The following DNAH6 variants were observed in gnomAD, a reference collection of about 807,000 sequenced individuals.
The protein encoded by DNAH6 is axonemal beta dynein heavy chain 6.
DNAH6 carries 340 observed loss-of-function variants against 491.4 expected under a neutral mutation model. The ratio of observed to expected loss-of-function variants is 0.69; its 90% CI spans 0.63 to 0.76. The LOEUF (loss-of-function observed/expected upper bound fraction) is 0.76, where lower values mean the gene tolerates loss of function less well. DNAH6 is among the 30% of genes least tolerant of loss of function. DNAH6 has a pLI of 0.00. For synonymous variants in DNAH6, 1,603 were observed against 1,686.1 expected (o/e 0.95, Z 1.21); for missense variants, 4,443 against 4,972.2 (o/e 0.89, Z 3.20).
At chr2:84,757,906 G>A (rs1451661369) in intron 63 of DNAH6, among the ~76,000 whole-genome samples, 7 of 152,112 alleles carry the variant, frequency 4.6e-5, no homozygotes, top group Non-Finnish European at 8.8e-5. Context: ...CCTCTTCATG[G>A]CTTTAACTGA....
intron 60 of DNAH6, among the ~76,000 whole-genome samples, chr2:84,725,963 A>G (rs1216010795): frequency 6.6e-6 from 1 of 152,234 alleles, no homozygotes; most frequent in Non-Finnish European, 1.5e-5. Context: ...AACTTTCAGG[A>G]GAATCAACAA....
chr2:84,553,074 T>C (rs887334628), intron 10 of DNAH6, 40 bp downstream of exon 10: 4 of 1,243,074 alleles, frequency 3.2e-6, no homozygotes, highest in Non-Finnish European at 4.6e-6. Context: ...CAAGCACCTA[T>C]TTGGAAAATG....
At chr2:84,610,407 G>T (rs1011193253) in intron 21 of DNAH6, among the ~76,000 whole-genome samples, 1 of 152,100 alleles carries the variant, frequency 6.6e-6, no homozygotes, top group African/African-American at 2.4e-5. Context: ...AAGGGGAGAG[G>T]ATTACACAGG....
chr2:84,739,384 T>C (rs1366802794), intron 62 of DNAH6, among the ~76,000 whole-genome samples: 2 of 152,228 alleles, frequency 1.3e-5, no homozygotes, highest in East Asian at 3.8e-4. Context: ...TGTATTTGCA[T>C]GTCGACCTCT....
chr2:84,810,890 A>G (rs952819241), intron 72 of DNAH6, among the ~76,000 whole-genome samples: 3 of 152,212 alleles, frequency 2.0e-5, no homozygotes, highest in Non-Finnish European at 4.4e-5. Context: ...CGACTGCAAC[A>G]TGACCTCTTT....
intron 69 of DNAH6, among the ~76,000 whole-genome samples, chr2:84,796,673 AATGTT>A (rs751102152): frequency 2.0e-5 from 3 of 152,190 alleles, no homozygotes; most frequent in Non-Finnish European, 4.4e-5. Context: ...ATCTGTTTTC[AATGTT>A]ATGTTCTAGT....
chr2:84,699,753 T>C lies in DNAH6; in HGVS notation c.7818+19T>C. The C allele has an allele frequency of 6.5e-7, 1 of 1,548,064 alleles. No homozygotes were observed. The highest frequency in any genetic ancestry group is 8.7e-7 in the Non-Finnish European group (1 of 1,145,124). ...TGTGCAGGTTGGTGACATCCCAGGA[T>C]ATCTCTTTGAGAAGTTGGACTTGCT... is the stretch of plus-strand genomic sequence containing the variant. On this transcript the variant is annotated intron_variant, in intron 48 of 76. Transcript: ENST00000389394.
chr2:84,552,508 G>C (rs1679493904), intron 9 of DNAH6, among the ~76,000 whole-genome samples: 2 of 152,044 alleles, frequency 1.3e-5, no homozygotes, highest in Admixed American at 1.3e-4. Context: ...TATGCCCTTT[G>C]CCCATTTTTT....
chr2:84,563,727 G>C (rs1242086500), intron 11 of DNAH6, among the ~76,000 whole-genome samples: 1 of 152,072 alleles, frequency 6.6e-6, no homozygotes, highest in Non-Finnish European at 1.5e-5. Context: ...TTTTGTTTTT[G>C]TTCCAATTGT....
intron 57 of DNAH6, among the ~76,000 whole-genome samples, chr2:84,714,644 TG>T: frequency 6.6e-6 from 1 of 152,074 alleles, no homozygotes; most frequent in Admixed American, 6.5e-5. Flanking sequence ...GATAAATGCT[TG>T]AGGTGATGGA....
chr2:84,467,467 C>T, the DNAH6 span, among the ~76,000 whole-genome samples: 1 of 152,150 alleles, frequency 6.6e-6, no homozygotes, highest in Non-Finnish European at 1.5e-5. Flanking sequence ...AGACAACAGG[C>T]AGAAGTGCAG....
At chr2:84,722,992 C>T (rs1046721063) in intron 60 of DNAH6, among the ~76,000 whole-genome samples, 188 bp downstream of exon 60, 3 of 152,156 alleles carry the variant, frequency 2.0e-5, no homozygotes, top group Non-Finnish European at 4.4e-5. Flanking sequence ...CTTTGGGAGG[C>T]CGAGGTGGGT....
chr2:84,578,551 G>A (rs1210408986), intron 13 of DNAH6, among the ~76,000 whole-genome samples: 2 of 152,172 alleles, frequency 1.3e-5, no homozygotes, highest in African/African-American at 2.4e-5. Context: ...GCCTCCTTAT[G>A]TGCAGGCTTC....
chr2:84,632,720 C>T (rs948312770), intron 29 of DNAH6, among the ~76,000 whole-genome samples: 2 of 147,426 alleles, frequency 1.4e-5, no homozygotes, highest in Admixed American at 1.3e-4. Context: ...CTTCTCTTAC[C>T]TTGTCTATAT....
chr2:84,608,624 G>A (rs1005050307), intron 21 of DNAH6, among the ~76,000 whole-genome samples: 1 of 152,132 alleles, frequency 6.6e-6, no homozygotes, highest in Admixed American at 6.6e-5. Context: ...AGTAAATCAT[G>A]CTGTAAACAG....
In DNAH6 at chr2:84,785,701, GA is replaced by G. The variant is rs1386128742; in HGVS notation, c.11052del (p.Lys3684AsnfsTer5). 1.3e-6 allele frequency: 2 copies of G among 1,545,594 alleles called. No individual in the cohort carries two copies. Among genetic ancestry groups the G allele is most frequent in the East Asian group, 2.5e-5 (1 of 40,660 alleles). ...TCGTTTTTTGAAGAAAATATACTTG[GA>G]AAAAAATGGAGACAAATAATATTTG... The part of the protein sequence containing the change: ...TPSFFEENIL[G>X]KKWRQIIFGI... On this transcript the variant is annotated frameshift_variant, in exon 67 of 77. Coordinates refer to ENST00000389394, the MANE Select transcript of DNAH6 (RefSeq NM_001370.2). LOFTEE classifies it high-confidence loss of function.
At chr2:84,575,504 C>A (rs1023337089) in intron 12 of DNAH6, among the ~76,000 whole-genome samples, 3 of 152,202 alleles carry the variant, frequency 2.0e-5, no homozygotes, top group Non-Finnish European at 2.9e-5. Flanking sequence ...AAACAGAGAT[C>A]TATAGAGATA....
chr2:84,675,601 A>G (rs1369778088), intron 40 of DNAH6, among the ~76,000 whole-genome samples: 2 of 152,194 alleles, frequency 1.3e-5, no homozygotes, highest in African/African-American at 4.8e-5. Flanking sequence ...CCCAACAAGC[A>G]TTGCCTCAAC....
rs1216608444 is a variant in DNAH6, at chr2:84,575,839, G to A, written c.1925-1418G>A. Among the ~76,000 whole-genome samples, 3 of 152,126 alleles carry A rather than the reference G, an allele frequency of 2.0e-5. 1 individual carries two copies. Among genetic ancestry groups the A allele is most frequent in the South Asian group, 4.1e-4 (2 of 4,826 alleles). ...GCGGAGCTTGCAGTGAGCCGAGATC[G>A]CGCCGCTGCACTCCAGCCTGGGCGA... On this transcript the variant is annotated intron_variant, in intron 12 of 76. Transcript: ENST00000389394.
Sources: allele counts gnomAD v4.1 joint callset (sites outside exome capture counted in the v4.1 genomes callset), GRCh38; gene constraint gnomAD v4.1.1; transcripts MANE v1.5; gene names NCBI Gene and HGNC (gene_info 2026-07-23, HGNC 2026-07-21).